The following FHIT variants were observed in gnomAD, a reference collection of about 807,000 sequenced individuals.
The protein encoded by FHIT is fragile histidine triad diadenosine triphosphatase.
A neutral mutation model predicts 17.9 loss-of-function variants in FHIT; 19 were observed. The ratio of observed to expected loss-of-function variants is 1.06; its 90% CI spans 0.74 to 1.56. The LOEUF (loss-of-function observed/expected upper bound fraction) is 1.56. Ranked by LOEUF, FHIT falls within the 40% of genes most tolerant of loss-of-function variation. The pLI is 0.00. For synonymous variants in FHIT, 81 were observed against 69.7 expected (o/e 1.16, Z -0.81); for missense variants, 248 against 189.2 (o/e 1.31, Z -1.82).
At chr3:60,484,120 G>A (rs1210599179) in intron 5 of FHIT, among the ~76,000 whole-genome samples, 1 of 151,974 alleles carries the variant, frequency 6.6e-6, no homozygotes, top group Non-Finnish European at 1.5e-5. Flanking sequence ...CAGCTAACAG[G>A]GGATGTGAAG....
At chr3:60,031,916 G>T (rs1284254578) in intron 5 of FHIT, among the ~76,000 whole-genome samples, 1 of 152,124 alleles carries the variant, frequency 6.6e-6, no homozygotes, top group African/African-American at 2.4e-5. Context: ...TGTAGTAACA[G>T]CAGTACCTAT....
In FHIT at chr3:59,922,199, C is replaced by A. The variant is rs564005407; in HGVS notation, c.348+147G>T. ...GTTCCCACGATGGCCATTCTTGACT[C>A]CTTGGCCTCTATTGCCACTTTCCAA... On this transcript the variant is annotated intron_variant, in intron 8 of 9. Coordinates refer to ENST00000492590, the MANE Select transcript of FHIT (RefSeq NM_002012.4). 4.3e-6 allele frequency: 3 copies of A among 704,300 alleles called. No individual in the cohort carries two copies. In the East Asian group the frequency reaches 8.0e-5, roughly 19 times the overall value. 43.6% of individuals were successfully genotyped at this position (704,300 alleles called of 1,614,324 possible). A position where few individuals can be genotyped will look rare whatever the true frequency, so the allele number is the denominator to read the frequency against.
At chr3:59,916,662 A>C (rs934140260) in intron 8 of FHIT, among the ~76,000 whole-genome samples, 1 of 152,222 alleles carries the variant, frequency 6.6e-6, no homozygotes, top group African/African-American at 2.4e-5. Context: ...CTGACATAGG[A>C]TAGGGTAAAC....
chr3:61,024,943 T>A (rs1240313687), intron 3 of FHIT, among the ~76,000 whole-genome samples: 2 of 152,128 alleles, frequency 1.3e-5, no homozygotes, highest in African/African-American at 4.8e-5. Context: ...ACAGTGTTTA[T>A]AAAAGCTGTA....
chr3:60,707,091 T>C (rs2041392312), intron 4 of FHIT, among the ~76,000 whole-genome samples: 1 of 152,224 alleles, frequency 6.6e-6, no homozygotes, highest in Admixed American at 6.5e-5. Context: ...AGTGTGACTA[T>C]GACAAAATAT....
At position 60,326,917 on chromosome 3, in the gene FHIT, CTT is replaced by C. The variant is rs1427524016; in HGVS notation, c.103+209941_103+209942del. Among the ~76,000 whole-genome samples, 9 of 152,162 alleles carry C rather than the reference CTT, an allele frequency of 5.9e-5. No individual in the cohort carries two copies. In the East Asian group the frequency reaches 1.7e-3, roughly 29 times the overall value. On this transcript the variant is annotated intron_variant, in intron 5 of 9. Transcript: ENST00000492590. The stretch of plus-strand genomic sequence containing the variant: ...ATCACAGTAATCGAAAAATAACACT[CTT>C]AGTTTACAGATTTCAATTTGGCAGT...
In FHIT at chr3:61,133,853, G is replaced by A. The variant is rs142613747; in HGVS notation, c.-164+66764C>T. On this transcript the variant is annotated intron_variant, in intron 2 of 9. Transcript: ENST00000492590. ...AATAATGCCAGCACTTTGGGAGGCC[G>A]AGATAGGTGGATTAACTGAGGTCAG... Among the ~76,000 whole-genome samples the A allele has an allele frequency of 2.7e-3, 409 of 152,206 alleles. 3 individuals carry two copies. Among genetic ancestry groups the A allele is most frequent in the African/African-American group, 9.5e-3 (395 of 41,528 alleles).
chr3:60,660,517 A>C (rs1319376120), intron 4 of FHIT, among the ~76,000 whole-genome samples: 3 of 152,114 alleles, frequency 2.0e-5, no homozygotes, highest in Non-Finnish European at 4.4e-5. Context: ...CTAGAGTTCT[A>C]AAATAGTTAC....
intron 1 of FHIT, among the ~76,000 whole-genome samples, chr3:61,217,848 G>A (rs75178137): frequency 0.036 from 5,542 of 152,216 alleles, 144 homozygotes; most frequent in African/African-American, 0.062. Flanking sequence ...ATTAAAGTTG[G>A]AAAAGAATTA....
At chr3:60,320,772 C>A (rs1709389712) in intron 5 of FHIT, among the ~76,000 whole-genome samples, 1 of 152,074 alleles carries the variant, frequency 6.6e-6, no homozygotes, top group African/African-American at 2.4e-5. Context: ...TGGATAATTA[C>A]AATTAGGGAG....
chr3:60,615,371 A>T (rs1441463821), intron 4 of FHIT, among the ~76,000 whole-genome samples: 1 of 152,228 alleles, frequency 6.6e-6, no homozygotes, highest in African/African-American at 2.4e-5. Flanking sequence ...AGGAAACGTG[A>T]TTCCGTGGGC....
intron 5 of FHIT, among the ~76,000 whole-genome samples, chr3:60,328,748 A>T (rs1709823186): frequency 6.6e-6 from 1 of 152,246 alleles, no homozygotes; most frequent in Non-Finnish European, 1.5e-5. Context: ...CCACCTGTAT[A>T]CAATGAGCTG....
intron 5 of FHIT, among the ~76,000 whole-genome samples, chr3:60,027,140 C>A (rs867690754): frequency 0.26 from 30,182 of 115,152 alleles, 4,113 homozygotes; most frequent in East Asian, 0.5. Context: ...CACACACACA[C>A]ACACACACAA....
intron 8 of FHIT, among the ~76,000 whole-genome samples, chr3:59,850,501 C>A (rs1370797165): frequency 6.6e-6 from 1 of 152,106 alleles, no homozygotes; most frequent in African/African-American, 2.4e-5. Context: ...TATCCCTGCA[C>A]TTAAATTACG....
intron 4 of FHIT, among the ~76,000 whole-genome samples, chr3:60,793,994 C>G (rs904509167): frequency 6.6e-5 from 10 of 152,074 alleles, no homozygotes; most frequent in African/African-American, 2.4e-4. Flanking sequence ...AGCAAAGAAG[C>G]AAATGGTCCA....
intron 5 of FHIT, among the ~76,000 whole-genome samples, chr3:60,099,284 C>T (rs1704094464): frequency 2.6e-5 from 4 of 152,136 alleles, no homozygotes; most frequent in African/African-American, 9.7e-5. Flanking sequence ...AAATGATTCA[C>T]AAATGGAATG....
At chr3:60,071,802 A>G (rs1702784395) in intron 5 of FHIT, among the ~76,000 whole-genome samples, 1 of 152,170 alleles carries the variant, frequency 6.6e-6, no homozygotes, top group Non-Finnish European at 1.5e-5. Flanking sequence ...GTGAGAGGTA[A>G]TTGACCCATG....
intron 5 of FHIT, among the ~76,000 whole-genome samples, chr3:60,107,018 G>C (rs897991452): frequency 6.6e-6 from 1 of 152,022 alleles, no homozygotes; most frequent in African/African-American, 2.4e-5. Context: ...GTTCACGGTG[G>C]TTTTATAATA....
intron 2 of FHIT, among the ~76,000 whole-genome samples, chr3:61,143,618 C>T (rs548745855): frequency 1.1e-4 from 16 of 152,190 alleles, no homozygotes; most frequent in Admixed American, 7.9e-4. Context: ...GTAATCCCAA[C>T]GCTCTGGGAG....
Sources: allele counts gnomAD v4.1 joint callset (sites outside exome capture counted in the v4.1 genomes callset), GRCh38; gene constraint gnomAD v4.1.1; transcripts MANE v1.5; gene names NCBI Gene and HGNC (gene_info 2026-07-23, HGNC 2026-07-21).